Variants in LHFPL3 observed in about 807,000 individuals in gnomAD.
LHFPL3 encodes the protein LHFPL tetraspan subfamily member 3 protein.
Under a neutral mutation model 19.3 loss-of-function variants are expected in LHFPL3, and 5 were observed. The observed-to-expected ratio is 0.26, with a 90% confidence interval of 0.14 to 0.54. The LOEUF is 0.54. LHFPL3 is among the 20% of genes least tolerant of loss of function. The pLI, the probability that LHFPL3 is intolerant of heterozygous loss-of-function variation, is 0.94. For missense variants in LHFPL3, 249 were observed against 307.4 expected, an observed-to-expected ratio of 0.81 and a Z score of 1.42; for synonymous variants, 133 against 126.2, an observed-to-expected ratio of 1.05 and a Z score of -0.36.
At chr7:104,827,988 A>C (rs1790858920) in intron 2 of LHFPL3, among the ~76,000 whole-genome samples, 2 of 151,896 alleles carry the variant, frequency 1.3e-5, no homozygotes, top group South Asian at 4.1e-4. Flanking sequence ...CCCCCAGTTC[A>C]TACAGTATTG....
intron 1 of LHFPL3, among the ~76,000 whole-genome samples, chr7:104,491,845 A>C (rs1279428874): frequency 6.6e-6 from 1 of 152,272 alleles, no homozygotes; most frequent in African/African-American, 2.4e-5. Flanking sequence ...TCCCATCCAA[A>C]TTAAAATGAC....
intron 2 of LHFPL3, among the ~76,000 whole-genome samples, chr7:104,790,283 C>T (rs1330224595): frequency 6.6e-6 from 1 of 152,152 alleles, no homozygotes; most frequent in South Asian, 2.1e-4. Flanking sequence ...TCTCCTTATA[C>T]CTGCTAAAAT....
chr7:104,562,209 C>G (rs888409985), intron 1 of LHFPL3, among the ~76,000 whole-genome samples: 3 of 151,720 alleles, frequency 2.0e-5, no homozygotes, highest in African/African-American at 7.3e-5. Flanking sequence ...CTCTGTATTT[C>G]CTGAATCTGA....
chr7:104,801,430 C>A (rs1474511779), intron 2 of LHFPL3, among the ~76,000 whole-genome samples: 1 of 152,120 alleles, frequency 6.6e-6, no homozygotes, highest in Non-Finnish European at 1.5e-5. Flanking sequence ...AAAGAAAAGA[C>A]CCTGAAAGCC....
chr7:104,643,119 G>C (rs917808657), intron 1 of LHFPL3, among the ~76,000 whole-genome samples: 1 of 152,004 alleles, frequency 6.6e-6, no homozygotes, highest in Non-Finnish European at 1.5e-5. Flanking sequence ...TCTAAACTTC[G>C]GATAAAATTG....
intron 1 of LHFPL3, among the ~76,000 whole-genome samples, chr7:104,416,586 G>A (rs1351959078): frequency 6.6e-6 from 1 of 152,174 alleles, no homozygotes; most frequent in African/African-American, 2.4e-5. Context: ...AAGGGGGTCT[G>A]GCGTTTTCTG....
chr7:104,664,369 T>A (rs963544904), intron 1 of LHFPL3, among the ~76,000 whole-genome samples: 1 of 152,226 alleles, frequency 6.6e-6, no homozygotes, highest in Non-Finnish European at 1.5e-5. Context: ...TAATACAAAT[T>A]TTTTAATTAA....
chr7:104,814,652 A>G (rs945473735), intron 2 of LHFPL3, among the ~76,000 whole-genome samples: 3 of 152,150 alleles, frequency 2.0e-5, no homozygotes, highest in Non-Finnish European at 4.4e-5. Flanking sequence ...CATCCAGGCT[A>G]TAGGTGCCAA....
At chr7:104,420,355 A>C (rs951824117) in intron 1 of LHFPL3, among the ~76,000 whole-genome samples, 1 of 152,168 alleles carries the variant, frequency 6.6e-6, no homozygotes, top group Non-Finnish European at 1.5e-5. Flanking sequence ...ATGACTGTCC[A>C]CTGCTTTATA....
At chr7:104,390,346 C>G (rs1316063396) in intron 1 of LHFPL3, among the ~76,000 whole-genome samples, 1 of 151,278 alleles carries the variant, frequency 6.6e-6, no homozygotes, top group East Asian at 1.9e-4. Flanking sequence ...CCTGCCCCCA[C>G]CCCACAACAG....
Position 104,418,414 on chromosome 7 carries a change from C to G in LHFPL3, c.445+89190C>G, listed in dbSNP as rs112037154. On this transcript the variant is annotated intron_variant, in intron 1 of 2. Transcript: ENST00000424859. ...AGATGTGGTAGTGTGCACCTGTAGT[C>G]TTGGCTGCTTGGGAGGCTGAGGCAG... 3.3e-3 allele frequency among the ~76,000 whole-genome samples: 502 copies of G among 152,146 alleles called. 4 individuals carry two copies. The highest frequency in any genetic ancestry group is 0.011 in the African/African-American group (476 of 41,512).
chr7:104,874,689 A>T (rs1791904124), intron 2 of LHFPL3, among the ~76,000 whole-genome samples: 1 of 151,932 alleles, frequency 6.6e-6, no homozygotes, highest in African/African-American at 2.4e-5. Flanking sequence ...GATTACAGGC[A>T]TGAGCCACCG....
At chr7:104,466,672 T>C (rs1287139237) in intron 1 of LHFPL3, among the ~76,000 whole-genome samples, 1 of 152,240 alleles carries the variant, frequency 6.6e-6, no homozygotes, top group Non-Finnish European at 1.5e-5. Flanking sequence ...GTTGTTTTTG[T>C]TGGGCCAAGA....
At chr7:104,658,731 A>G (rs1792165172) in intron 1 of LHFPL3, among the ~76,000 whole-genome samples, 1 of 152,224 alleles carries the variant, frequency 6.6e-6, no homozygotes, top group African/African-American at 2.4e-5. Flanking sequence ...AGGAGGTTTC[A>G]GTGAGCTGAG....
intron 1 of LHFPL3, among the ~76,000 whole-genome samples, chr7:104,533,217 C>G (rs1343457252): frequency 6.6e-6 from 1 of 152,164 alleles, no homozygotes; most frequent in Admixed American, 6.5e-5. Context: ...ATATGAGTGA[C>G]CACTCTTTCT....
At chr7:104,518,039 A>C (rs367792391) in intron 1 of LHFPL3, among the ~76,000 whole-genome samples, 4 of 152,250 alleles carry the variant, frequency 2.6e-5, no homozygotes, top group African/African-American at 9.6e-5. Context: ...CCAAAAGTCA[A>C]ATTGATGCTG....
At chr7:104,661,798 T>C (rs1387674010) in intron 1 of LHFPL3, among the ~76,000 whole-genome samples, 3 of 152,238 alleles carry the variant, frequency 2.0e-5, no homozygotes, top group African/African-American at 7.2e-5. Flanking sequence ...ATTTTTTTCC[T>C]TATTATGTCG....
chr7:104,393,898 G>T (rs753560787), intron 1 of LHFPL3, among the ~76,000 whole-genome samples: 62 of 152,214 alleles, frequency 4.1e-4, no homozygotes, highest in Admixed American at 8.5e-4. Context: ...GTACAAAATG[G>T]ATCCCTAGAG....
At chr7:104,379,696 A>G (rs1790789320) in intron 1 of LHFPL3, among the ~76,000 whole-genome samples, 2 of 152,156 alleles carry the variant, frequency 1.3e-5, no homozygotes, top group Admixed American at 6.5e-5. Flanking sequence ...GAAAACCAAC[A>G]TGAAGTTTCA....
Sources: allele counts gnomAD v4.1 joint callset (sites outside exome capture counted in the v4.1 genomes callset), GRCh38; gene constraint gnomAD v4.1.1; transcripts MANE v1.5; gene names NCBI Gene and HGNC (gene_info 2026-07-23, HGNC 2026-07-21).